Variants in NRG3 observed in about 807,000 individuals in gnomAD.
The protein encoded by NRG3 is pro-neuregulin-3, membrane-bound isoform.
A neutral mutation model predicts 66.9 loss-of-function variants in NRG3; 31 were observed. That is an observed-to-expected ratio of 0.46 (90% CI 0.35 to 0.63). The LOEUF (loss-of-function observed/expected upper bound fraction) is 0.63, where lower values mean the gene tolerates loss of function less well. Among genes scored for constraint, NRG3 ranks in the 20% least tolerant of loss-of-function variants. The pLI, the probability that NRG3 is intolerant of heterozygous loss-of-function variation, is 0.00. For missense variants in NRG3, 910 were observed against 878.9 expected (o/e 1.04, Z -0.45); for synonymous variants, 393 against 359.4 (o/e 1.09, Z -1.06).
At chr10:82,581,803 A>G (rs2046370975) in intron 2 of NRG3, among the ~76,000 whole-genome samples, 1 of 152,034 alleles carries the variant, frequency 6.6e-6, no homozygotes, top group African/African-American at 2.4e-5. Flanking sequence ...ACCCAAGGTA[A>G]CCTAGATTTT....
chr10:82,863,410 G>A (rs897923425), intron 3 of NRG3, among the ~76,000 whole-genome samples: 13 of 152,060 alleles, frequency 8.5e-5, no homozygotes, highest in Non-Finnish European at 1.3e-4. Context: ...GGTATTTCTC[G>A]TTCTAGATCC....
intron 1 of NRG3, among the ~76,000 whole-genome samples, chr10:82,030,384 G>A (rs528600315): frequency 3.9e-5 from 6 of 152,176 alleles, no homozygotes; most frequent in East Asian, 1.9e-4. Context: ...GGAAACAGAC[G>A]TAACACAACT....
chr10:82,025,899 C>G (rs575442940), intron 1 of NRG3, among the ~76,000 whole-genome samples: 1 of 152,058 alleles, frequency 6.6e-6, no homozygotes, highest in Admixed American at 6.6e-5. Flanking sequence ...GAAAACTTTC[C>G]TCTTTGCTCT....
chr10:82,464,441 T>A (rs963370991), intron 2 of NRG3, among the ~76,000 whole-genome samples: 1 of 152,126 alleles, frequency 6.6e-6, no homozygotes, highest in Non-Finnish European at 1.5e-5. Context: ...AAACTACCAA[T>A]TAAAGAAGAA....
chr10:82,321,741 T>C (rs2081590536), intron 1 of NRG3, among the ~76,000 whole-genome samples: 1 of 152,224 alleles, frequency 6.6e-6, no homozygotes, highest in African/African-American at 2.4e-5. Flanking sequence ...AACACATTTC[T>C]ATGGAGATAA....
At chr10:82,439,198 C>G (rs1232819622) in intron 2 of NRG3, among the ~76,000 whole-genome samples, 1 of 152,000 alleles carries the variant, frequency 6.6e-6, no homozygotes, top group African/African-American at 2.4e-5. Context: ...CATATCACAC[C>G]AAAGTCATTT....
intron 1 of NRG3, among the ~76,000 whole-genome samples, chr10:82,162,192 A>C (rs371081786): frequency 5.3e-5 from 8 of 152,134 alleles, no homozygotes; most frequent in African/African-American, 1.7e-4. Context: ...AATTTAGCTC[A>C]AGTGAACACT....
chr10:82,501,994 A>G (rs1844235584), intron 2 of NRG3, among the ~76,000 whole-genome samples: 1 of 152,118 alleles, frequency 6.6e-6, no homozygotes, highest in South Asian at 2.1e-4. Context: ...ATGATTGCTG[A>G]AGGACTGAAT....
chr10:82,839,467 A>G (rs1390755647), intron 3 of NRG3, among the ~76,000 whole-genome samples: 2 of 151,856 alleles, frequency 1.3e-5, no homozygotes, highest in African/African-American at 4.8e-5. Flanking sequence ...AAAATTTTAA[A>G]AATTAAGAGA....
At chr10:82,487,414 A>T (rs553988777) in intron 2 of NRG3, among the ~76,000 whole-genome samples, 1 of 152,114 alleles carries the variant, frequency 6.6e-6, no homozygotes, top group Admixed American at 6.6e-5. Context: ...TTAATCCTCC[A>T]CACAAACTTG....
In NRG3 at chr10:82,308,453, G is replaced by A. The variant is rs76101375; in HGVS notation, c.824-50286G>A. On this transcript the variant is annotated intron_variant, in intron 1 of 8. Coordinates refer to ENST00000372141, the MANE Select transcript of NRG3 (RefSeq NM_001010848.4). ...CTTCTGGGCTCTCTTGTAATATCCC[G>A]TATGGCTTCTACTTGATTCAGCTAT... Among the ~76,000 whole-genome samples, 463 of 152,050 alleles carry A rather than the reference G, an allele frequency of 3.0e-3. 5 individuals carry two copies. Among genetic ancestry groups the A allele is most frequent in the African/African-American group, 0.01 (431 of 41,474 alleles).
At chr10:82,314,661 T>G (rs2081202422) in intron 1 of NRG3, among the ~76,000 whole-genome samples, 1 of 150,228 alleles carries the variant, frequency 6.7e-6, no homozygotes, top group Non-Finnish European at 1.5e-5. Context: ...ATTTAAAAAA[T>G]TAGCCGGGCA....
chr10:82,429,836 G>A (rs2089681937), intron 2 of NRG3, among the ~76,000 whole-genome samples: 1 of 151,922 alleles, frequency 6.6e-6, no homozygotes, highest in African/African-American at 2.4e-5. Context: ...TCTATTCTCA[G>A]ACTGGATAAT....
intron 1 of NRG3, among the ~76,000 whole-genome samples, chr10:82,105,503 T>C (rs371094951): frequency 2.0e-5 from 3 of 152,296 alleles, no homozygotes; most frequent in Admixed American, 6.5e-5. Context: ...CATTAATATA[T>C]GTACATGGAA....
intron 1 of NRG3, among the ~76,000 whole-genome samples, chr10:82,229,449 CA>C (rs2076338813): frequency 6.6e-6 from 1 of 152,068 alleles, no homozygotes; most frequent in African/African-American, 2.4e-5. Context: ...GACTGTTAAG[CA>C]GATAAAACAA....
At chr10:82,150,682 G>A (rs1355990446) in intron 1 of NRG3, among the ~76,000 whole-genome samples, 1 of 152,108 alleles carries the variant, frequency 6.6e-6, no homozygotes. Flanking sequence ...AGAGCAGAGG[G>A]CGCCTGGACA....
intron 2 of NRG3, among the ~76,000 whole-genome samples, chr10:82,654,315 T>C (rs1290242500): frequency 6.6e-6 from 1 of 152,126 alleles, no homozygotes; most frequent in African/African-American, 2.4e-5. Flanking sequence ...ATAAAGAGGG[T>C]TGTGTGCTCA....
chr10:82,635,644 A>G (rs139002218), intron 2 of NRG3, among the ~76,000 whole-genome samples: 4 of 152,292 alleles, frequency 2.6e-5, no homozygotes, highest in African/African-American at 4.8e-5. Flanking sequence ...GAAGCTAAAT[A>G]CATTTTTTGG....
intron 1 of NRG3, among the ~76,000 whole-genome samples, chr10:81,914,768 GC>G (rs1297429955): frequency 9.5e-5 from 3 of 31,530 alleles, no homozygotes; most frequent in African/African-American, 3.1e-4. Context: ...AAAACAGAAA[GC>G]AAAAAAAAAA....
Sources: gnomAD v4.1 joint callset for allele counts (sites outside exome capture counted in the v4.1 genomes callset) on GRCh38, gnomAD v4.1.1 for gene constraint, MANE v1.5 for transcripts, NCBI Gene and HGNC (gene_info 2026-07-23, HGNC 2026-07-21) for gene names.